TENM2: variants seen among roughly 807,000 people sequenced by gnomAD.
TENM2 encodes the protein teneurin-2.
TENM2 carries 52 observed loss-of-function variants against 245.2 expected under a neutral mutation model. That is an observed-to-expected ratio of 0.21 (90% CI 0.17 to 0.27). The LOEUF (loss-of-function observed/expected upper bound fraction) is 0.27. TENM2 is among the 10% of genes least tolerant of loss of function. The pLI is 1.00. For synonymous variants in TENM2, 1,363 were observed against 1,438.9 expected (o/e 0.95, Z 1.19); for missense variants, 3,046 against 3,666.8 (o/e 0.83, Z 4.37).
At chr5:168,198,601 C>T (rs148414432) in intron 15 of TENM2, among the ~76,000 whole-genome samples, 16 of 152,162 alleles carry the variant, frequency 1.1e-4, no homozygotes, top group African/African-American at 3.9e-4. Flanking sequence ...TTAGTCATGC[C>T]ATGTGTATTG....
chr5:168,216,325 G>C (rs1002395657), intron 21 of TENM2, among the ~76,000 whole-genome samples: 2 of 152,204 alleles, frequency 1.3e-5, no homozygotes, highest in Admixed American at 1.3e-4. Flanking sequence ...TTAGGAGTTT[G>C]TAACTACAAG....
At chr5:167,120,396 G>A in the TENM2 span, among the ~76,000 whole-genome samples, 1 of 152,168 alleles carries the variant, frequency 6.6e-6, no homozygotes, top group Non-Finnish European at 1.5e-5. Flanking sequence ...GGGAGAGGAG[G>A]GGAAGTGGGA....
At chr5:167,706,467 A>G (rs1057125803) in intron 2 of TENM2, among the ~76,000 whole-genome samples, 24 of 150,756 alleles carry the variant, frequency 1.6e-4, no homozygotes, top group Admixed American at 7.3e-4. Context: ...AGATATATCT[A>G]TATCTATATC....
intron 5 of TENM2, among the ~76,000 whole-genome samples, chr5:168,029,547 G>A (rs77771262): frequency 6.6e-6 from 1 of 152,244 alleles, no homozygotes; most frequent in East Asian, 1.9e-4. Flanking sequence ...TGGATCCGCT[G>A]GCTTTGGGCA....
the TENM2 span, among the ~76,000 whole-genome samples, chr5:167,127,584 A>T: frequency 6.6e-6 from 1 of 151,566 alleles, no homozygotes; most frequent in Admixed American, 6.6e-5. Flanking sequence ...AATGGTCTTG[A>T]AAAGGAAAGC....
chr5:167,945,583 G>A (rs1779550007), intron 3 of TENM2, among the ~76,000 whole-genome samples: 1 of 152,164 alleles, frequency 6.6e-6, no homozygotes, highest in Admixed American at 6.5e-5. Flanking sequence ...ACGAACGTAG[G>A]CAGAGCGGAG....
At chr5:168,012,167 A>AG (rs1202753051) in intron 5 of TENM2, among the ~76,000 whole-genome samples, 5 of 152,212 alleles carry the variant, frequency 3.3e-5, no homozygotes, top group Admixed American at 3.3e-4. Context: ...TTCTAAAAAA[A>AG]GAAATGTACA....
intron 8 of TENM2, among the ~76,000 whole-genome samples, chr5:168,091,164 AGTAGAGAAACTACT>A (rs1376665319): frequency 1.3e-5 from 2 of 152,238 alleles, no homozygotes; most frequent in South Asian, 2.1e-4. Context: ...CTAAGCATAT[AGTAGAGAAACTACT>A]GGCGATTCAC....
intron 3 of TENM2, among the ~76,000 whole-genome samples, chr5:167,881,245 T>C (rs951061832): frequency 6.6e-6 from 1 of 152,228 alleles, no homozygotes; most frequent in South Asian, 2.1e-4. Flanking sequence ...ACAGCAGTTA[T>C]TATGCACATT....
intron 3 of TENM2, among the ~76,000 whole-genome samples, chr5:167,891,302 G>A (rs189650342): frequency 6.6e-6 from 1 of 152,228 alleles, no homozygotes; most frequent in East Asian, 1.9e-4. Context: ...TTGAGACAGA[G>A]TCTCCCTCTG....
rs62388774 is a variant in TENM2 at position 167,333,691 on chromosome 5, T to C, written c.227-41507T>C. 9.9e-3 allele frequency among the ~76,000 whole-genome samples: 1,514 copies of C among 152,214 alleles called. 8 individuals are homozygous for C. Among genetic ancestry groups the C allele is most frequent in the Non-Finnish European group, 0.016 (1,068 of 68,016 alleles). Reference sequence around the variant, plus strand: ...CTAGAGGATATGTTTGTTGTTCTTGTCCCTTTGCTCCAGGGGGAAGGATGG... The same window carrying C: ...CTAGAGGATATGTTTGTTGTTCTTGCCCCTTTGCTCCAGGGGGAAGGATGG... On this transcript the variant is annotated intron_variant, in intron 1 of 28. Coordinates refer to ENST00000518659, the Ensembl canonical transcript of TENM2.
chr5:166,995,505 T>C, the TENM2 span, among the ~76,000 whole-genome samples: 1 of 152,032 alleles, frequency 6.6e-6, no homozygotes. Context: ...CCTCCCAAAG[T>C]GCTGGGATTA....
chr5:167,175,319 A>G, the TENM2 span, among the ~76,000 whole-genome samples: 23 of 152,270 alleles, frequency 1.5e-4, no homozygotes, highest in Admixed American at 1.2e-3. Context: ...GAAAGTTTAT[A>G]TCATCAGTAA....
intron 4 of TENM2, among the ~76,000 whole-genome samples, chr5:167,971,579 T>C (rs1048618269): frequency 1.3e-5 from 2 of 152,064 alleles, no homozygotes; most frequent in Non-Finnish European, 2.9e-5. Context: ...TGCACGCCTA[T>C]AATCCCAGCT....
chr5:167,300,480 G>A lies in TENM2; in HGVS notation c.226+15417G>A, dbSNP rs565152025. Among the ~76,000 whole-genome samples, 5 of 152,254 alleles carry A rather than the reference G, an allele frequency of 3.3e-5. No homozygotes were observed. In the East Asian group the frequency reaches 9.7e-4, roughly 29 times the overall value. ...TAGGCAAAACAATTTGGTTGATAAG[G>A]CACAGATCCTGAACTAACCTGTAAG... On this transcript the variant is annotated intron_variant, in intron 1 of 28. Transcript: ENST00000518659.
the TENM2 span, among the ~76,000 whole-genome samples, chr5:167,109,230 A>AT: frequency 2.9e-3 from 418 of 145,980 alleles, 1 homozygote; most frequent in African/African-American, 5.7e-3. Context: ...AAATCTTTTA[A>AT]TTTTTTTTTT....
chr5:166,988,534 C>T, the TENM2 span, among the ~76,000 whole-genome samples: 3 of 152,186 alleles, frequency 2.0e-5, no homozygotes, highest in Non-Finnish European at 4.4e-5. Context: ...ACACAGAATA[C>T]ATCTGTGCAA....
In TENM2 at chr5:167,336,821, A is replaced by T. The variant is rs769930731; in HGVS notation, c.227-38377A>T. On this transcript the variant is annotated intron_variant, in intron 1 of 28. Coordinates refer to ENST00000518659, the Ensembl canonical transcript of TENM2. ...ATGAGTAAATATAATGCAAATATTT[A>T]AAAAAAAAAAAATCGGCCGGGTGCG... Among the ~76,000 whole-genome samples the T allele has an allele frequency of 1.1e-4, 10 of 87,954 alleles. No individual in the cohort carries two copies. The South Asian group carries it at 1.2e-3, about 10-fold the overall frequency. 57.7% of individuals were successfully genotyped at this position (87,954 alleles called of 152,430 possible).
At chr5:167,365,446 A>T (rs1231144828) in intron 1 of TENM2, among the ~76,000 whole-genome samples, 2 of 151,870 alleles carry the variant, frequency 1.3e-5, no homozygotes, top group Non-Finnish European at 2.9e-5. Context: ...GGGAAATGGA[A>T]AATAAACAAT....
Sources: gnomAD v4.1 joint callset for allele counts (sites outside exome capture counted in the v4.1 genomes callset) on GRCh38, gnomAD v4.1.1 for gene constraint, MANE v1.5 for transcripts, NCBI Gene and HGNC (gene_info 2026-07-23, HGNC 2026-07-21) for gene names.